Variants in NARS1 observed in about 807,000 individuals in gnomAD.
NARS1 encodes the protein asparagine--tRNA ligase, cytoplasmic.
NARS1 carries 65 observed loss-of-function variants against 79.2 expected under a neutral mutation model. The observed-to-expected ratio is 0.82, with a 90% CI of 0.67 to 1.01. The LOEUF (loss-of-function observed/expected upper bound fraction) is 1.01. Ranked by LOEUF, NARS1 falls within the 50% of genes least tolerant of loss-of-function variation. The pLI, the probability that NARS1 is intolerant of heterozygous loss-of-function variation, is 0.00. For missense variants in NARS1, 649 were observed against 673.8 expected (o/e 0.96, Z 0.41); for synonymous variants, 229 against 238.8 (o/e 0.96, Z 0.38).
chr18:57,601,491 T>C lies in NARS1; in HGVS notation c.*161A>G. ...CTTAAGATGACAACCTTAATATCAC[T>C]TGATGTTCAGGTGATTTGAGATAGT... On this transcript the variant is annotated 3_prime_UTR_variant, in exon 14 of 14. Coordinates refer to ENST00000256854, the MANE Select transcript of NARS1 (RefSeq NM_004539.4). 1.5e-6 allele frequency: 1 copy of C among 659,692 alleles called. No individual in the cohort carries two copies. The highest frequency in any genetic ancestry group is 2.3e-6 in the Non-Finnish European group (1 of 428,082). The allele number at this position is 659,692 out of a possible 1,614,324, so 40.9% of individuals were successfully genotyped here.
intron 2 of NARS1, among the ~76,000 whole-genome samples, chr18:57,618,549 C>G (rs1908158731): frequency 6.6e-6 from 1 of 152,128 alleles, no homozygotes; most frequent in African/African-American, 2.4e-5. Context: ...TTTTCAGGAG[C>G]TGCAAAACGA....
intron 7 of NARS1, 108 bp downstream of exon 7, chr18:57,609,249 C>T (rs1048379630): frequency 3.3e-5 from 27 of 823,898 alleles, no homozygotes; most frequent in Admixed American, 6.3e-5. Flanking sequence ...CTAGTTCTGT[C>T]CCTCTGAAGA....
At position 57,619,230 on chromosome 18, in the gene NARS1, G is replaced by A. The variant is rs149159419; in HGVS notation, c.93+1339C>T. Among the ~76,000 whole-genome samples the A allele has an allele frequency of 8.0e-3, 1,206 of 149,936 alleles. 19 individuals carry two copies. Among genetic ancestry groups the A allele is most frequent in the African/African-American group, 0.028 (1,135 of 40,950 alleles). Reference sequence around the variant, plus strand: ...CTATCTCAGTCTCCCGAGTAGCTGGGGCCACAGGTGCATACCATACCACCA... The same window carrying A: ...CTATCTCAGTCTCCCGAGTAGCTGGAGCCACAGGTGCATACCATACCACCA... On this transcript the variant is annotated intron_variant, in intron 2 of 13. Transcript: ENST00000256854.
intron 7 of NARS1, 63 bp from the exon 8 acceptor site, chr18:57,607,728 T>C (rs2051571356): frequency 7.4e-7 from 1 of 1,344,978 alleles, no homozygotes; most frequent in South Asian, 1.4e-5. Flanking sequence ...TTAACAGTAT[T>C]GAGGATTTTA....
rs1201944249 is a variant in NARS1 at position 57,606,717 on chromosome 18, T to A, written c.1036A>T (p.Thr346Ser). The part of the protein sequence containing the change: ...THVEAECPFL[T>S]FDDLLNRLED... ...AACCGGTTCAGGAGGTCGTCAAAAG[T>A]CAGGAAAGGACACTCAGCTTCCACG... Residue 346 changes from threonine (T) to serine (S), a missense_variant, in exon 10 of 14, where the codon ACT becomes TCT. Physicochemically the swap from Thr to Ser is moderately conservative, Grantham distance 58. Coordinates refer to ENST00000256854, the MANE Select transcript of NARS1 (RefSeq NM_004539.4). 6.2e-7 allele frequency: 1 copy of A among 1,614,056 alleles called. No homozygotes were observed.
Position 57,615,737 on chromosome 18 carries a change from T to C in NARS1, c.253-7A>G. 1.2e-6 allele frequency: 2 copies of C among 1,611,594 alleles called. No individual in the cohort carries two copies. The highest frequency in any genetic ancestry group is 1.7e-6 in the Non-Finnish European group (2 of 1,178,646). On this transcript the variant is annotated splice_region_variant and splice_polypyrimidine_tract_variant and intron_variant, in intron 3 of 13. Coordinates refer to ENST00000256854, the MANE Select transcript of NARS1 (RefSeq NM_004539.4). ...TTCGTAAACTATCTTCTGCCTAATT[T>C]TAATGATGAAGCAGTTTGTTAACAT...
intron 1 of NARS1, among the ~76,000 whole-genome samples, 158 bp downstream of exon 1, chr18:57,621,550 A>G (rs1363340724): frequency 6.6e-6 from 1 of 152,144 alleles, no homozygotes; most frequent in Admixed American, 6.5e-5. Context: ...GGGCCCAGCA[A>G]AGGCCAGCAC....
Position 57,605,916 on chromosome 18 carries a change from C to T in NARS1, c.1192G>A (p.Val398Ile), listed in dbSNP as rs753943447. The T allele has an allele frequency of 1.6e-5, 26 of 1,613,502 alleles. No individual in the cohort carries two copies. Among genetic ancestry groups the T allele is most frequent in the Non-Finnish European group, 2.0e-5 (24 of 1,179,790 alleles). ...FKRMNYSDAIVWLKEHDVKKE... is the reference protein window; with the variant it reads ...FKRMNYSDAIIWLKEHDVKKE... Reference sequence around the variant, plus strand: ...TTTACATCATGTTCTTTTAGCCAAACGATAGCATCTGAATAGTTCATCCGT... The same window carrying T: ...TTTACATCATGTTCTTTTAGCCAAATGATAGCATCTGAATAGTTCATCCGT... Residue 398 changes from valine to isoleucine, a missense_variant, in exon 11 of 14, where the codon GTT becomes ATT. By Grantham distance (29) the Val-to-Ile change is conservative. Coordinates refer to ENST00000256854, the MANE Select transcript of NARS1 (RefSeq NM_004539.4).
At chr18:57,604,591 A>G (rs145088733) in intron 11 of NARS1, among the ~76,000 whole-genome samples, 1 of 152,332 alleles carries the variant, frequency 6.6e-6, no homozygotes, top group Non-Finnish European at 1.5e-5. Flanking sequence ...AGGGCCTAGC[A>G]TAGTCTTGGA....
At chr18:57,609,731 GTTTA>G (rs1000341961) in intron 6 of NARS1, among the ~76,000 whole-genome samples, 29 of 152,054 alleles carry the variant, frequency 1.9e-4, no homozygotes, top group African/African-American at 6.0e-4. Context: ...TATCTGGACA[GTTTA>G]TTTATTTATT....
intron 4 of NARS1, 85 bp from the exon 5 acceptor site, chr18:57,613,765 A>G (rs1043907191): frequency 8.9e-7 from 1 of 1,127,696 alleles, no homozygotes; most frequent in Non-Finnish European, 1.3e-6. Context: ...AGACGGTAGT[A>G]AGTGTTAAAA....
chr18:57,610,847 T>C (rs1457097444), intron 6 of NARS1, among the ~76,000 whole-genome samples: 1 of 152,180 alleles, frequency 6.6e-6, no homozygotes, highest in Non-Finnish European at 1.5e-5. Context: ...GAATCCTCGT[T>C]CAAATCAATC....
chr18:57,616,407 G>A (rs370621617), intron 2 of NARS1, among the ~76,000 whole-genome samples: 40 of 149,266 alleles, frequency 2.7e-4, no homozygotes, highest in South Asian at 2.3e-3. Flanking sequence ...GCAACAGAGC[G>A]AGACTCTGTC....
At position 57,601,454 on chromosome 18, in the gene NARS1, T is replaced by G; in HGVS notation, c.*198A>C. The G allele has an allele frequency of 2.1e-6, 1 of 469,320 alleles. No individual in the cohort carries two copies. Among genetic ancestry groups the G allele is most frequent in the Non-Finnish European group, 3.5e-6 (1 of 284,752 alleles). 29.1% of individuals were successfully genotyped at this position (469,320 alleles called of 1,614,324 possible). ...TTGTTTCCCGAACTTAAGAAAAAAA[T>G]GGATATTTTTTCTTAAGATGACAAC... On this transcript the variant is annotated 3_prime_UTR_variant, in exon 14 of 14. Transcript: ENST00000256854.
At chr18:57,612,906 A>T (rs2051616009) in intron 5 of NARS1, among the ~76,000 whole-genome samples, 1 of 152,220 alleles carries the variant, frequency 6.6e-6, no homozygotes, top group Non-Finnish European at 1.5e-5. Context: ...GCCAAGTTTC[A>T]GACTCAGATG....
At chr18:57,613,088 TCACTC>T (rs1455891550) in intron 5 of NARS1, among the ~76,000 whole-genome samples, 1 of 152,122 alleles carries the variant, frequency 6.6e-6, no homozygotes, top group Non-Finnish European at 1.5e-5. Flanking sequence ...AAGATATAAA[TCACTC>T]TATCCTTTAA....
intron 11 of NARS1, among the ~76,000 whole-genome samples, chr18:57,605,050 T>C (rs1351124326): frequency 6.7e-6 from 1 of 149,656 alleles, no homozygotes; most frequent in Non-Finnish European, 1.5e-5. Flanking sequence ...CCTTCCACAT[T>C]AAGAAGTTTT....
chr18:57,616,236 G>A (rs899517059), intron 2 of NARS1, among the ~76,000 whole-genome samples: 5 of 151,624 alleles, frequency 3.3e-5, no homozygotes, highest in Non-Finnish European at 7.4e-5. Context: ...TGGCTAACAT[G>A]GTGAAACCCC....
At chr18:57,604,238 T>C (rs1405236567) in intron 11 of NARS1, among the ~76,000 whole-genome samples, 1 of 152,194 alleles carries the variant, frequency 6.6e-6, no homozygotes, top group African/African-American at 2.4e-5. Flanking sequence ...AATACAAAAT[T>C]TTGTCATTAT....
Sources: allele counts gnomAD v4.1 joint callset (sites outside exome capture counted in the v4.1 genomes callset), GRCh38; gene constraint gnomAD v4.1.1; transcripts MANE v1.5; gene names NCBI Gene and HGNC (gene_info 2026-07-23, HGNC 2026-07-21).